SPOCK1: variants seen among roughly 807,000 people sequenced by gnomAD.
The protein encoded by SPOCK1 is testican-1.
A neutral mutation model predicts 55.3 loss-of-function variants in SPOCK1; 23 were observed. The ratio of observed to expected loss-of-function variants is 0.42; its 90% CI spans 0.30 to 0.59. SPOCK1 has a LOEUF of 0.59. Ranked by LOEUF, SPOCK1 falls within the 20% of genes least tolerant of loss-of-function variation. The pLI, the probability that SPOCK1 is intolerant of heterozygous loss-of-function variation, is 0.22. For synonymous variants in SPOCK1, 226 were observed against 221.0 expected, an observed-to-expected ratio of 1.02 and a Z score of -0.20; for missense variants, 499 against 552.5, an observed-to-expected ratio of 0.90 and a Z score of 0.97.
At chr5:137,231,701 T>C in intron 3 of SPOCK1, among the ~76,000 whole-genome samples, 1 of 152,328 alleles carries the variant, frequency 6.6e-6, no homozygotes, top group East Asian at 1.9e-4. Context: ...TAATAAACAC[T>C]CATGTGCAGG....
intron 2 of SPOCK1, among the ~76,000 whole-genome samples, chr5:137,422,189 C>A (rs1752513842): frequency 6.6e-6 from 1 of 152,172 alleles, no homozygotes; most frequent in Non-Finnish European, 1.5e-5. Flanking sequence ...ATGGGGTAAC[C>A]CAACCTTTGT....
intron 7 of SPOCK1, among the ~76,000 whole-genome samples, chr5:136,991,920 A>T (rs1580697209): frequency 6.6e-6 from 1 of 152,172 alleles, no homozygotes; most frequent in South Asian, 2.1e-4. Context: ...GGGAGAGGGG[A>T]CACCTGTCTG....
At chr5:137,224,491 C>CGG (rs1308319494) in intron 3 of SPOCK1, among the ~76,000 whole-genome samples, 1 of 152,096 alleles carries the variant, frequency 6.6e-6, no homozygotes, top group African/African-American at 2.4e-5. Context: ...GGAAAGGAAA[C>CGG]GGGTGTAAAA....
At chr5:137,103,359 C>G (rs1163332611) in intron 5 of SPOCK1, among the ~76,000 whole-genome samples, 2 of 152,206 alleles carry the variant, frequency 1.3e-5, no homozygotes, top group Non-Finnish European at 2.9e-5. Context: ...ACGACATTCC[C>G]CAGCCTCCCT....
chr5:137,301,983 G>A (rs373329328), intron 2 of SPOCK1, among the ~76,000 whole-genome samples: 4 of 152,062 alleles, frequency 2.6e-5, no homozygotes, highest in South Asian at 2.1e-4. Context: ...GGGTCATGGC[G>A]CTTCTAAAAC....
chr5:137,370,153 C>T (rs957071374), intron 2 of SPOCK1, among the ~76,000 whole-genome samples: 2 of 152,242 alleles, frequency 1.3e-5, no homozygotes, highest in East Asian at 1.9e-4. Context: ...ACACTCAGGA[C>T]CAACCGATTC....
In SPOCK1 at chr5:137,160,558, T is replaced by A. The variant is rs866339178; in HGVS notation, c.233-19864A>T. On this transcript the variant is annotated intron_variant, in intron 3 of 10. Coordinates refer to ENST00000394945, the MANE Select transcript of SPOCK1 (RefSeq NM_004598.4). The stretch of plus-strand genomic sequence containing the variant: ...AATATATAATATATATAATATATAT[T>A]ATATATTATATATTATATAATATAT... 7.5e-3 allele frequency among the ~76,000 whole-genome samples: 429 copies of A among 57,020 alleles called. 4 individuals carry two copies. The highest frequency in any genetic ancestry group is 0.018 in the African/African-American group (228 of 12,670). The allele number at this position is 57,020 out of a possible 152,430, so 37.4% of individuals were successfully genotyped here.
chr5:137,104,948 T>C (rs753070888), intron 5 of SPOCK1, among the ~76,000 whole-genome samples: 12 of 152,048 alleles, frequency 7.9e-5, no homozygotes, highest in Admixed American at 2.0e-4. Context: ...AGGGAAAAAA[T>C]GTCTTCCACA....
chr5:137,418,456 T>TCCAGCA (rs1271659168), intron 2 of SPOCK1, among the ~76,000 whole-genome samples: 1 of 151,966 alleles, frequency 6.6e-6, no homozygotes, highest in African/African-American at 2.4e-5. Context: ...CCACATCCTC[T>TCCAGCA]CCAGCACCTG....
chr5:137,443,676 C>T (rs1753063918), intron 2 of SPOCK1, among the ~76,000 whole-genome samples: 1 of 152,210 alleles, frequency 6.6e-6, no homozygotes, highest in Non-Finnish European at 1.5e-5. Context: ...CTCACTAGCC[C>T]CTCTCCAGAC....
intron 2 of SPOCK1, among the ~76,000 whole-genome samples, chr5:137,391,860 C>T (rs1450910541): frequency 6.6e-6 from 1 of 152,180 alleles, no homozygotes; most frequent in Non-Finnish European, 1.5e-5. Context: ...AAACAAAGGT[C>T]CTGGGCTTGG....
chr5:137,308,949 T>TA (rs1039915460), intron 2 of SPOCK1, among the ~76,000 whole-genome samples: 118 of 151,982 alleles, frequency 7.8e-4, no homozygotes, highest in African/African-American at 2.6e-3. Flanking sequence ...TTTACACACT[T>TA]AAAAAAAATG....
At chr5:137,335,374 G>A (rs1392741133) in intron 2 of SPOCK1, among the ~76,000 whole-genome samples, 1 of 152,102 alleles carries the variant, frequency 6.6e-6, no homozygotes, top group Non-Finnish European at 1.5e-5. Context: ...ATGCCAAAAT[G>A]TTTATAGTAA....
At chr5:137,263,755 C>A (rs1015988974) in intron 3 of SPOCK1, among the ~76,000 whole-genome samples, 12 of 152,142 alleles carry the variant, frequency 7.9e-5, no homozygotes, top group African/African-American at 2.9e-4. Flanking sequence ...ACTACTTATG[C>A]CACTTTACCC....
intron 5 of SPOCK1, among the ~76,000 whole-genome samples, chr5:137,079,532 TTCC>T (rs1752834950): frequency 8.3e-5 from 2 of 24,176 alleles, no homozygotes; most frequent in Admixed American, 8.4e-4. Flanking sequence ...TCCCATCTGA[TTCC>T]CCCCCCCCCC....
chr5:136,988,154 G>C (rs1364620361), intron 8 of SPOCK1, among the ~76,000 whole-genome samples: 5 of 152,198 alleles, frequency 3.3e-5, no homozygotes, highest in African/African-American at 4.8e-5. Context: ...TTGTATAGAT[G>C]AAAATACGGA....
chr5:137,088,666 G>A (rs982217239), intron 5 of SPOCK1, among the ~76,000 whole-genome samples: 1 of 152,100 alleles, frequency 6.6e-6, no homozygotes, highest in Admixed American at 6.6e-5. Context: ...CACAAAAAAG[G>A]TAGTAAGGTC....
chr5:137,286,910 T>A (rs1467235731), intron 2 of SPOCK1, among the ~76,000 whole-genome samples: 2 of 152,240 alleles, frequency 1.3e-5, no homozygotes, highest in Non-Finnish European at 2.9e-5. Flanking sequence ...ACAAATTCTA[T>A]TCAGTTCAAC....
intron 3 of SPOCK1, among the ~76,000 whole-genome samples, chr5:137,230,898 C>CATTCCATTT (rs1309400767): frequency 6.6e-5 from 10 of 152,024 alleles, no homozygotes; most frequent in African/African-American, 1.2e-4. Flanking sequence ...TCTTACAAAA[C>CATTCCATTT]TAAGTATAAC....
Sources: gnomAD v4.1 joint callset for allele counts (sites outside exome capture counted in the v4.1 genomes callset) on GRCh38, gnomAD v4.1.1 for gene constraint, MANE v1.5 for transcripts, NCBI Gene and HGNC (gene_info 2026-07-23, HGNC 2026-07-21) for gene names.